Variants in NXN observed in about 807,000 individuals in gnomAD.
NXN encodes nucleoredoxin 1.
NXN carries 16 observed loss-of-function variants against 48.6 expected under a neutral mutation model. That is an observed-to-expected ratio of 0.33 (90% CI 0.22 to 0.50). The LOEUF is 0.50. Among genes scored for constraint, NXN ranks in the 20% least tolerant of loss-of-function variants. The pLI is 0.98. For missense variants in NXN, 492 were observed against 605.5 expected (o/e 0.81, Z 1.97); for synonymous variants, 281 against 269.6 (o/e 1.04, Z -0.41).
chr17:815,954 C>T (rs922847792), intron 5 of NXN, among the ~76,000 whole-genome samples: 3 of 152,160 alleles, frequency 2.0e-5, no homozygotes, highest in African/African-American at 7.2e-5. Flanking sequence ...GGAAGACACA[C>T]ATCAGAGACC....
rs888666023 is a variant in NXN at position 830,931 on chromosome 17, C to T, written c.361-4853G>A. Among the ~76,000 whole-genome samples, 18 of 148,636 alleles carry T rather than the reference C, an allele frequency of 1.2e-4. No individual in the cohort carries two copies. Among genetic ancestry groups the T allele is most frequent in the Non-Finnish European group, 1.0e-4 (7 of 67,660 alleles). ...AGGAGAATCACTTGAACCCGGGAGG[C>T]GGAGGTTGCTGTGAGCCGAGACTGA... On this transcript the variant is annotated intron_variant, in intron 1 of 7. Transcript: ENST00000336868. The surrounding 1 kb of genome is among the most constrained non-coding windows in gnomAD (Gnocchi z 4.2).
Position 978,288 on chromosome 17 carries a change from T to C in NXN, c.360+1031A>G, listed in dbSNP as rs1266599371. On this transcript the variant is annotated intron_variant, in intron 1 of 7. Transcript: ENST00000336868. This position sits in a 1 kb window ranked among gnomAD's most constrained non-coding sequence, Gnocchi z 4.1. ...CGAAGCAACAGCGCTCCAAAACTTT[T>C]TCTGACTCCATTCATTACAAAATGT... 3 of 152,250 alleles carry C rather than the reference T, an allele frequency of 2.0e-5. No individual in the cohort carries two copies. The highest frequency in any genetic ancestry group is 7.2e-5 in the African/African-American group (3 of 41,462). 9.4% of individuals were successfully genotyped at this position (152,250 alleles called of 1,614,324 possible).
At chr17:842,476 T>C (rs767129503) in intron 1 of NXN, 79 of 983,106 alleles carry the variant, frequency 8.0e-5, no homozygotes, top group East Asian at 1.1e-4. Flanking sequence ...CGTGGGTTAC[T>C]GGGGAGGATG....
chr17:843,056 G>GCAAGC (rs1555613147), intron 1 of NXN, among the ~76,000 whole-genome samples: 7 of 107,210 alleles, frequency 6.5e-5, no homozygotes, highest in African/African-American at 2.7e-4. Flanking sequence ...AAGAAAGAAA[G>GCAAGC]AAGGAAGAAA....
intron 1 of NXN, among the ~76,000 whole-genome samples, chr17:897,674 TTTTC>T (rs2068501040): frequency 5.2e-5 from 7 of 134,366 alleles, no homozygotes; most frequent in African/African-American, 1.7e-4. Context: ...CAGCATTTGT[TTTTC>T]TTTTATTCTT....
chr17:903,553 T>A (rs1490081117), intron 1 of NXN, among the ~76,000 whole-genome samples: 1 of 151,938 alleles, frequency 6.6e-6, no homozygotes, highest in Non-Finnish European at 1.5e-5. Flanking sequence ...CAGCTAACTT[T>A]AAAATTTTTT....
At chr17:960,234 T>C (rs1381010091) in intron 1 of NXN, among the ~76,000 whole-genome samples, 1 of 152,278 alleles carries the variant, frequency 6.6e-6, no homozygotes, top group African/African-American at 2.4e-5. Flanking sequence ...ATCTGTTTAA[T>C]ACAGTGCCAT....
chr17:913,665 C>G (rs2068657858), intron 1 of NXN, among the ~76,000 whole-genome samples: 1 of 152,030 alleles, frequency 6.6e-6, no homozygotes, highest in African/African-American at 2.4e-5. Context: ...CCACCTACCC[C>G]CACGTCCCCA....
At chr17:948,575 T>A (rs1343612392) in intron 1 of NXN, among the ~76,000 whole-genome samples, 1 of 151,918 alleles carries the variant, frequency 6.6e-6, no homozygotes, top group African/African-American at 2.4e-5. Context: ...ACAAGCAGCC[T>A]GGGAAAGGAA....
intron 1 of NXN, among the ~76,000 whole-genome samples, chr17:971,828 G>C (rs1331577565): frequency 6.6e-6 from 1 of 152,188 alleles, no homozygotes; most frequent in Admixed American, 6.5e-5. Context: ...TAAGCACCTT[G>C]GTGGTTCACA....
chr17:977,823 A>G (rs907850310), intron 1 of NXN, among the ~76,000 whole-genome samples: 2 of 152,282 alleles, frequency 1.3e-5, no homozygotes, highest in Non-Finnish European at 2.9e-5. Context: ...ATTTTGAATC[A>G]AAAAGTACTG....
At chr17:818,782 G>A (rs1240136531) in intron 5 of NXN, among the ~76,000 whole-genome samples, 3 of 151,828 alleles carry the variant, frequency 2.0e-5, no homozygotes, top group Admixed American at 6.6e-5. Context: ...CTACTGGGGA[G>A]GCTGAGGCAG....
intron 1 of NXN, among the ~76,000 whole-genome samples, chr17:937,613 C>G (rs1326378320): frequency 6.6e-6 from 1 of 152,124 alleles, no homozygotes; most frequent in Non-Finnish European, 1.5e-5. Flanking sequence ...TCCTGGGGTC[C>G]CCCCACCGCC....
chr17:953,369 C>T (rs1421420832), intron 1 of NXN, among the ~76,000 whole-genome samples: 2 of 152,012 alleles, frequency 1.3e-5, no homozygotes, highest in African/African-American at 2.4e-5. Flanking sequence ...GAGCTGAGAT[C>T]GCGCCACTGC....
At chr17:833,652 TCA>T (rs941727392) in intron 1 of NXN, among the ~76,000 whole-genome samples, 4 of 152,070 alleles carry the variant, frequency 2.6e-5, no homozygotes, top group Admixed American at 6.6e-5. Context: ...GTGTATAAAT[TCA>T]CAGAGTTCAT....
chr17:811,967 G>A (rs1326942400), intron 5 of NXN, among the ~76,000 whole-genome samples: 32 of 117,240 alleles, frequency 2.7e-4, no homozygotes, highest in Admixed American at 5.0e-4. Flanking sequence ...TCGCTCTGTC[G>A]CCCAGGCTGG....
chr17:857,451 G>T (rs915032418), intron 1 of NXN, among the ~76,000 whole-genome samples: 1 of 152,060 alleles, frequency 6.6e-6, no homozygotes, highest in Non-Finnish European at 1.5e-5. Context: ...AGTAGAGACG[G>T]GGTTTTGCCA....
chr17:947,596 G>T (rs962313979), intron 1 of NXN, among the ~76,000 whole-genome samples: 10 of 151,948 alleles, frequency 6.6e-5, no homozygotes, highest in African/African-American at 2.4e-4. Context: ...AGCCGGGAGT[G>T]GTGGCACGTG....
chr17:866,639 C>T (rs2068098450), intron 1 of NXN, among the ~76,000 whole-genome samples: 1 of 152,148 alleles, frequency 6.6e-6, no homozygotes, highest in African/African-American at 2.4e-5. Flanking sequence ...CCTTCAGTAC[C>T]ATGTACCTGT....
Sources: allele counts gnomAD v4.1 joint callset (sites outside exome capture counted in the v4.1 genomes callset), GRCh38; gene constraint gnomAD v4.1.1; non-coding constraint Gnocchi (gnomAD v3.1); transcripts MANE v1.5; gene names NCBI Gene and HGNC (gene_info 2026-07-23, HGNC 2026-07-21).